PLEKHA1: variants seen among roughly 807,000 people sequenced by gnomAD.
The protein encoded by PLEKHA1 is pleckstrin homology domain containing A1.
A neutral mutation model predicts 52.0 loss-of-function variants in PLEKHA1; 34 were observed. That is an observed-to-expected ratio of 0.65 (90% confidence interval 0.50 to 0.87). The LOEUF is 0.87. PLEKHA1 is among the 40% of genes least tolerant of loss of function. PLEKHA1 has a pLI of 0.00. For missense variants in PLEKHA1, 497 were observed against 504.2 expected, an observed-to-expected ratio of 0.99 and a Z score of 0.14; for synonymous variants, 163 against 170.7, an observed-to-expected ratio of 0.95 and a Z score of 0.35.
rs2097417319 is a variant in PLEKHA1 at position 122,431,564 on chromosome 10, T to C, written c.*1626T>C. The C allele has an allele frequency of 6.5e-6, 1 of 152,696 alleles. No homozygotes were observed. The highest frequency in any genetic ancestry group is 2.4e-5 in the African/African-American group (1 of 41,470). 9.5% of individuals were successfully genotyped at this position (152,696 alleles called of 1,614,324 possible). A position where few individuals can be genotyped will look rare whatever the true frequency, so the allele number is the denominator to read the frequency against. On this transcript the variant is annotated 3_prime_UTR_variant, in exon 12 of 12. Coordinates refer to ENST00000368990, the MANE Select transcript of PLEKHA1 (RefSeq NM_001001974.4). ...TGCATATCATTGAAAATTTCTCGTTTTCATTTTCTTAGATGACTTCTTGTC... is the reference window on the plus strand; with the variant it reads ...TGCATATCATTGAAAATTTCTCGTTCTCATTTTCTTAGATGACTTCTTGTC...
chr10:122,406,811 T>A (rs1441643696), intron 5 of PLEKHA1, 138 bp downstream of exon 5: 1 of 659,860 alleles, frequency 1.5e-6, no homozygotes, highest in African/African-American at 1.8e-5. Context: ...GTGTTCAGAA[T>A]GTGAATATGT....
chr10:122,375,424 G>T (rs879911087), intron 1 of PLEKHA1, among the ~76,000 whole-genome samples: 4 of 152,258 alleles, frequency 2.6e-5, no homozygotes, highest in Admixed American at 2.6e-4. Flanking sequence ...TTCGGGGCAG[G>T]TGGCCAGAGG....
chr10:122,395,381 AT>A, intron 2 of PLEKHA1, among the ~76,000 whole-genome samples: 2 of 152,142 alleles, frequency 1.3e-5, no homozygotes, highest in African/African-American at 4.8e-5. Context: ...TGTATTAGCC[AT>A]TAGTACCAAC....
intron 4 of PLEKHA1, 56 bp downstream of exon 4, chr10:122,400,444 TA>T: frequency 6.7e-7 from 1 of 1,486,332 alleles, no homozygotes; most frequent in South Asian, 1.3e-5. Flanking sequence ...TATCATATTG[TA>T]AAAGAAAACT....
chr10:122,422,688 G>C (rs1352904562), intron 8 of PLEKHA1: 1 of 152,222 alleles, frequency 6.6e-6, no homozygotes, highest in Non-Finnish European at 1.5e-5. Flanking sequence ...TTTAACTCTG[G>C]ATCAGAAAAT....
At chr10:122,429,577 CTGGTCA>C (rs1565351650) in intron 11 of PLEKHA1, 41 bp from the exon 12 acceptor site, 2 of 1,551,184 alleles carry the variant, frequency 1.3e-6, no homozygotes, top group African/African-American at 2.7e-5. Context: ...AGTTACTAAC[CTGGTCA>C]TGAGTGACTG....
intron 5 of PLEKHA1, among the ~76,000 whole-genome samples, chr10:122,408,001 A>G (rs1353337760): frequency 2.6e-5 from 4 of 152,220 alleles, no homozygotes; most frequent in Non-Finnish European, 5.9e-5. Flanking sequence ...GAAAACGCCT[A>G]CGCACCGCAT....
chr10:122,398,753 A>T (rs989185740), intron 3 of PLEKHA1, among the ~76,000 whole-genome samples: 6 of 152,262 alleles, frequency 3.9e-5, no homozygotes, highest in African/African-American at 1.4e-4. Context: ...AAGGTAGATC[A>T]CTTCAACAGA....
intron 7 of PLEKHA1, 45 bp downstream of exon 7, chr10:122,416,047 G>A (rs201401419): frequency 1.4e-5 from 21 of 1,535,220 alleles, no homozygotes; most frequent in Admixed American, 2.0e-5. Flanking sequence ...AAAGGATTAC[G>A]TTCTAGCAAA....
At chr10:122,375,679 C>T (rs546541537) in intron 1 of PLEKHA1, among the ~76,000 whole-genome samples, 5 of 152,240 alleles carry the variant, frequency 3.3e-5, no homozygotes, top group Non-Finnish European at 7.4e-5. Flanking sequence ...AGGCTGTGCC[C>T]CCGCGCAGAG....
intron 4 of PLEKHA1, among the ~76,000 whole-genome samples, chr10:122,402,697 C>T (rs907003091): frequency 3.9e-5 from 6 of 152,196 alleles, no homozygotes; most frequent in African/African-American, 1.4e-4. Context: ...CTGTTCCCTA[C>T]CTCCAATCGG....
At chr10:122,383,313 G>GTTTTTT (rs58485855) in intron 1 of PLEKHA1, among the ~76,000 whole-genome samples, 12 of 128,390 alleles carry the variant, frequency 9.3e-5, no homozygotes, top group Non-Finnish European at 1.1e-4. Context: ...CTTTCTTTCT[G>GTTTTTT]TTTTTTTTTT....
intron 5 of PLEKHA1, among the ~76,000 whole-genome samples, chr10:122,407,034 T>G (rs1388631239): frequency 6.6e-6 from 1 of 152,176 alleles, no homozygotes; most frequent in African/African-American, 2.4e-5. Flanking sequence ...ACCTGGGGAA[T>G]AGGCACTTCT....
the PLEKHA1 span, chr10:122,439,963 C>T: frequency 6.6e-6 from 1 of 152,152 alleles, no homozygotes; most frequent in Non-Finnish European, 1.5e-5. Context: ...AATGTATTTG[C>T]ATGGAGCTGA....
At chr10:122,426,341 G>A (rs2097339345) in intron 10 of PLEKHA1, among the ~76,000 whole-genome samples, 1 of 145,278 alleles carries the variant, frequency 6.9e-6, no homozygotes, top group Admixed American at 6.9e-5. Flanking sequence ...AAAATATTCT[G>A]CATTTTAAAC....
the PLEKHA1 span, chr10:122,442,508 CT>C: frequency 6.6e-6 from 1 of 152,120 alleles, no homozygotes; most frequent in South Asian, 2.1e-4. Flanking sequence ...ACGTAAATAG[CT>C]TTATTTTTGT....
chr10:122,408,067 A>G (rs576850940), intron 5 of PLEKHA1, among the ~76,000 whole-genome samples: 1 of 152,312 alleles, frequency 6.6e-6, no homozygotes, highest in South Asian at 2.1e-4. Flanking sequence ...CAGGAAAGCA[A>G]TTTTTTAACC....
chr10:122,386,207 G>A (rs969870546), intron 1 of PLEKHA1, among the ~76,000 whole-genome samples: 1 of 151,750 alleles, frequency 6.6e-6, no homozygotes, highest in African/African-American at 2.4e-5. Context: ...AGTATCTTGT[G>A]GTTTTTATTT....
At chr10:122,403,028 C>T (rs965924732) in intron 4 of PLEKHA1, among the ~76,000 whole-genome samples, 4 of 152,116 alleles carry the variant, frequency 2.6e-5, no homozygotes, top group African/African-American at 4.8e-5. Flanking sequence ...AACAGCCCTA[C>T]GACAATGCAA....
Sources: allele counts gnomAD v4.1 joint callset (sites outside exome capture counted in the v4.1 genomes callset), GRCh38; gene constraint gnomAD v4.1.1; transcripts MANE v1.5; gene names NCBI Gene and HGNC (gene_info 2026-07-23, HGNC 2026-07-21).